The following VPS45 variants were observed in gnomAD, a reference collection of about 807,000 sequenced individuals.
VPS45 encodes the protein vacuolar protein sorting-associated protein 45.
In VPS45, 35 loss-of-function variants were observed where a neutral mutation model predicts 75.9. That is an observed-to-expected ratio of 0.46 (90% confidence interval 0.35 to 0.61). The LOEUF (loss-of-function observed/expected upper bound fraction) is 0.61, where lower values mean the gene tolerates loss of function less well. Among genes scored for constraint, VPS45 ranks in the 20% least tolerant of loss-of-function variants. VPS45 has a pLI of 0.00. For synonymous variants in VPS45, 220 were observed against 238.2 expected (o/e 0.92, Z 0.70); for missense variants, 559 against 685.9 (o/e 0.81, Z 2.07).
In VPS45 at chr1:150,139,647, A is replaced by G. The variant is rs1659280886; in HGVS notation, c.1626-5062A>G. 1.1e-4 allele frequency among the ~76,000 whole-genome samples: 16 copies of G among 152,222 alleles called. No individual in the cohort carries two copies. In the South Asian group the frequency reaches 3.3e-3, roughly 32 times the overall value. On this transcript the variant is annotated intron_variant, in intron 14 of 14. Coordinates refer to ENST00000644510, the MANE Select transcript of VPS45 (RefSeq NM_007259.5). Reference sequence around the variant, plus strand: ...ACTGCAGTCTCTAAATCCTGGGCTCATGCTCAAGTGATCTTTCCACCTCAG... The same window carrying G: ...ACTGCAGTCTCTAAATCCTGGGCTCGTGCTCAAGTGATCTTTCCACCTCAG...
At chr1:150,101,343 T>C (rs587693173) in intron 13 of VPS45, among the ~76,000 whole-genome samples, 135 of 149,330 alleles carry the variant, frequency 9.0e-4, no homozygotes, top group African/African-American at 3.1e-3. Context: ...CCAACAAGCA[T>C]ATGAAAAAAA....
Position 150,081,362 on chromosome 1 carries a change from C to T in VPS45, c.708C>T (p.Val236=), listed in dbSNP as rs1655696767. 6.2e-7 allele frequency: 1 copy of T among 1,606,120 alleles called. No homozygotes were observed. The highest frequency in any genetic ancestry group is 2.3e-5 in the East Asian group (1 of 44,170). Residue 236 remains valine (V), a synonymous_variant, in exon 8 of 15, where the codon GTC becomes GTT. Coordinates refer to ENST00000644510, the MANE Select transcript of VPS45 (RefSeq NM_007259.5). ...TTTAGTGGACATATCAGGCCATGGT[C>T]CACGAACTACTAGGCATAAACAACA... The part of the protein sequence containing the change: ...LLNQWTYQAM[V]HELLGINNNR...
At chr1:150,082,904 A>G in intron 10 of VPS45, 21 bp downstream of exon 10, 1 of 1,608,428 alleles carries the variant, frequency 6.2e-7, no homozygotes, top group Non-Finnish European at 8.5e-7. Flanking sequence ...TTTGATGAGC[A>G]CCTACTATGT....
Position 150,068,648 on chromosome 1 carries a change from GTA to G in VPS45, c.115_116del (p.Tyr39HisfsTer14). 6.2e-7 allele frequency: 1 copy of G among 1,607,774 alleles called. No individual in the cohort carries two copies. The highest frequency in any genetic ancestry group is 2.2e-5 in the East Asian group (1 of 44,654). ...TTTACAGACTGGCATAGTGAGTATG[GTA>G]TACACACAATCGGAGATTCTACAGA... ...DKETTGIVSM[V>X]YTQSEILQKE... On this transcript the variant is annotated frameshift_variant, in exon 2 of 15. Transcript: ENST00000644510. LOFTEE classifies it high-confidence loss of function.
chr1:150,081,521 G>C (rs1459504987), intron 8 of VPS45, 45 bp downstream of exon 8: 2 of 1,573,214 alleles, frequency 1.3e-6, no homozygotes, highest in Admixed American at 4.0e-5. Context: ...TTGTTTTTAT[G>C]TAAGAAGATC....
rs1483177772 is a variant in VPS45, at chr1:150,091,263, A to G, written c.1105-674A>G. Among the ~76,000 whole-genome samples, 4 of 152,234 alleles carry G rather than the reference A, an allele frequency of 2.6e-5. No homozygotes were observed. The East Asian group carries it at 5.8e-4, about 22-fold the overall frequency. On this transcript the variant is annotated intron_variant, in intron 10 of 14. Transcript: ENST00000644510. Reference sequence around the variant, plus strand: ...ACATACTGCCTTATGGGGACTCAAAAGTATTTGTTGACTTGAATTAAATTA... The same window carrying G: ...ACATACTGCCTTATGGGGACTCAAAGGTATTTGTTGACTTGAATTAAATTA...
rs587621881 is a variant in VPS45, at chr1:150,098,261, G to T, written c.1493+4613G>T. Among the ~76,000 whole-genome samples the T allele has an allele frequency of 5.3e-5, 8 of 152,302 alleles. No homozygotes were observed. In the South Asian group the frequency reaches 1.4e-3, roughly 28 times the overall value. Reference sequence around the variant, plus strand: ...TCCTTCCTATTAGTTATTGTATTAGGTATTGTAATCTTGAAGTAAGTATTA... The same window carrying T: ...TCCTTCCTATTAGTTATTGTATTAGTTATTGTAATCTTGAAGTAAGTATTA... On this transcript the variant is annotated intron_variant, in intron 13 of 14. Transcript: ENST00000644510.
intron 10 of VPS45, chr1:150,083,348 G>T (rs587737169): frequency 6.5e-6 from 1 of 152,748 alleles, no homozygotes; most frequent in Non-Finnish European, 1.5e-5. Context: ...GCTTTTCATC[G>T]CACCAACATA....
intron 6 of VPS45, 151 bp downstream of exon 6, chr1:150,077,382 C>A: frequency 1.0e-6 from 1 of 992,046 alleles, no homozygotes; most frequent in Non-Finnish European, 1.5e-6. Context: ...TAATTTAAAA[C>A]AAAAAGCAAC....
intron 1 of VPS45, 126 bp from the exon 2 acceptor site, chr1:150,068,504 A>T (rs1654850465): frequency 1.2e-6 from 1 of 854,340 alleles, no homozygotes. Flanking sequence ...ATGTTCAGTA[A>T]ATGTTTTCCG....
At chr1:150,142,333 C>CAAA (rs770170547) in intron 14 of VPS45, among the ~76,000 whole-genome samples, 4 of 151,004 alleles carry the variant, frequency 2.6e-5, no homozygotes, top group Non-Finnish European at 4.4e-5. Context: ...TGTTATTGTT[C>CAAA]AAAAAAAAAT....
intron 13 of VPS45, among the ~76,000 whole-genome samples, chr1:150,101,757 A>C (rs1657026770): frequency 6.6e-6 from 1 of 151,962 alleles, no homozygotes; most frequent in Non-Finnish European, 1.5e-5. Context: ...AGTCAAAAAT[A>C]ACAGAACCTG....
intron 14 of VPS45, among the ~76,000 whole-genome samples, chr1:150,139,169 A>G (rs1571922515): frequency 6.6e-6 from 1 of 152,186 alleles, no homozygotes; most frequent in Non-Finnish European, 1.5e-5. Flanking sequence ...TTTTTGCAGA[A>G]CCCTCCAGAT....
At chr1:150,077,039 G>T in intron 5 of VPS45, 55 bp downstream of exon 5, 1 of 1,613,164 alleles carries the variant, frequency 6.2e-7, no homozygotes, top group Non-Finnish European at 8.5e-7. Flanking sequence ...CAAATAATTA[G>T]ACTTGTAAGA....
chr1:150,076,447 A>G, intron 4 of VPS45, 135 bp downstream of exon 4: 1 of 587,002 alleles, frequency 1.7e-6, no homozygotes, highest in Non-Finnish European at 2.8e-6. Flanking sequence ...TATCACATAA[A>G]TGAGGAATAT....
In VPS45 at chr1:150,138,273, A is replaced by T. The variant is rs191332604; in HGVS notation, c.1626-6436A>T. Among the ~76,000 whole-genome samples the T allele has an allele frequency of 5.6e-3, 848 of 152,030 alleles. 7 individuals carry two copies. The highest frequency in any genetic ancestry group is 0.027 in the Middle Eastern group (8 of 292). ...ACGCAGTTCCCTTACTTATTTTTTA[A>T]AAAAAAATAGAGATGAGGTATTGCT... On this transcript the variant is annotated intron_variant, in intron 14 of 14. Transcript: ENST00000644510.
rs782163239 is a variant in VPS45 at position 150,110,536 on chromosome 1, T to C, written c.1534T>C (p.Tyr512His). 2.5e-6 allele frequency: 4 copies of C among 1,613,670 alleles called. No individual in the cohort carries two copies. The highest frequency in any genetic ancestry group is 3.4e-6 in the Non-Finnish European group (4 of 1,179,806). ...TGTGTTTGTAATTGGAGGAGCCACC[T>C]ATGAAGAGGCTCTAACAGTTTATAA... is the stretch of plus-strand genomic sequence containing the variant. ...IIVFVIGGAT[Y>H]EEALTVYNLN... The change falls in exon 14 of 15, where the codon TAT becomes CAT. Residue 512 changes from tyrosine (Y) to histidine (H), a missense_variant. Coordinates refer to ENST00000644510, the MANE Select transcript of VPS45 (RefSeq NM_007259.5).
intron 13 of VPS45, among the ~76,000 whole-genome samples, chr1:150,095,671 A>G (rs1367496039): frequency 6.6e-6 from 1 of 151,308 alleles, no homozygotes; most frequent in Non-Finnish European, 1.5e-5. Context: ...AAGCAGAGGG[A>G]AACACCAGAG....
chr1:150,110,866 T>C (rs148575083), intron 14 of VPS45, among the ~76,000 whole-genome samples: 29 of 152,292 alleles, frequency 1.9e-4, no homozygotes, highest in African/African-American at 7.0e-4. Flanking sequence ...AAGAACCATC[T>C]TACACTGTTA....
Sources: gnomAD v4.1 joint callset for allele counts (sites outside exome capture counted in the v4.1 genomes callset) on GRCh38, gnomAD v4.1.1 for gene constraint, MANE v1.5 for transcripts, NCBI Gene and HGNC (gene_info 2026-07-23, HGNC 2026-07-21) for gene names.